Variants in INSR observed in about 807,000 individuals in gnomAD.
The protein encoded by INSR is IR.
INSR carries 67 observed loss-of-function variants against 142.6 expected under a neutral mutation model. That is an observed-to-expected ratio of 0.47 (90% confidence interval 0.39 to 0.58). INSR has a LOEUF of 0.58. Ranked by LOEUF, INSR falls within the 20% of genes least tolerant of loss-of-function variation. The probability of loss-of-function intolerance (pLI) is 0.00; values close to 1 mark genes in which losing one functional copy is unlikely to be tolerated. For synonymous variants in INSR, 756 were observed against 743.1 expected (o/e 1.02, Z -0.28); for missense variants, 1,248 against 1,833.2 (o/e 0.68, Z 5.83).
intron 2 of INSR, among the ~76,000 whole-genome samples, chr19:7,214,794 CCCTCCCT>C (rs1260808416): frequency 7.4e-6 from 1 of 134,784 alleles, no homozygotes; most frequent in Admixed American, 7.6e-5. Flanking sequence ...TTTCTTCCCT[CCCTCCCT>C]CCTCCCTCCC....
chr19:7,178,136 A>G (rs991939835), intron 3 of INSR, among the ~76,000 whole-genome samples: 1 of 148,340 alleles, frequency 6.7e-6, no homozygotes, highest in African/African-American at 2.5e-5. Context: ...TAAAGTATGT[A>G]TCTGGTCTTC....
intron 2 of INSR, among the ~76,000 whole-genome samples, chr19:7,205,900 T>G (rs1480362977): frequency 5.3e-5 from 8 of 151,964 alleles, no homozygotes. Flanking sequence ...GGCTCTCCCA[T>G]CAGACCTGCG....
In INSR at chr19:7,291,835, C is replaced by T. The variant is rs374413270; in HGVS notation, c.100+1957G>A. ...TTTATTTATTTTTGAGACAGAGTCTCGCTCTGTCGCCCAGTGGCACGATCT... is the reference window on the plus strand; with the variant it reads ...TTTATTTATTTTTGAGACAGAGTCTTGCTCTGTCGCCCAGTGGCACGATCT... On this transcript the variant is annotated intron_variant, in intron 1 of 21. Coordinates refer to ENST00000302850, the MANE Select transcript of INSR (RefSeq NM_000208.4). Among the ~76,000 whole-genome samples the T allele has an allele frequency of 5.1e-3, 770 of 152,246 alleles. 5 individuals are homozygous for T. The highest frequency in any genetic ancestry group is 0.017 in the African/African-American group (722 of 41,546).
At position 7,267,357 on chromosome 19, in the gene INSR, G is replaced by T. The variant is rs1306327558; in HGVS notation, c.640C>A (p.His214Asn). 2.5e-6 allele frequency: 4 copies of T among 1,614,022 alleles called. No homozygotes were observed. Among genetic ancestry groups the T allele is most frequent in the Non-Finnish European group, 1.7e-6 (2 of 1,180,044 alleles). The change falls in exon 2 of 22, where the codon CAC becomes AAC. Residue 214 changes from histidine (H) to asparagine (N), a missense_variant. His to Asn is a moderately conservative substitution (Grantham distance 68). Coordinates refer to ENST00000302850, the MANE Select transcript of INSR (RefSeq NM_000208.4). This position sits in a 1 kb window ranked among gnomAD's most constrained non-coding sequence, Gnocchi z 6.3. ...QFVERCWTHS[H>N]CQKVCPTICK... ...ATCCCCGGCGTACCTTTCTGGCAGT[G>T]ACTATGAGTCCAACATCGTTCGACA...
chr19:7,167,381 A>G (rs1396312575), intron 7 of INSR, among the ~76,000 whole-genome samples: 1 of 152,154 alleles, frequency 6.6e-6, no homozygotes, highest in Non-Finnish European at 1.5e-5. Flanking sequence ...GTTTGAGACC[A>G]GCCTGGCCAA....
chr19:7,273,428 G>A (rs979890276), intron 1 of INSR, among the ~76,000 whole-genome samples: 2 of 152,020 alleles, frequency 1.3e-5, no homozygotes, highest in African/African-American at 4.8e-5. Flanking sequence ...TTCATAATGG[G>A]TACCTGGTTA....
Position 7,168,663 on chromosome 19 carries a change from C to T in INSR, c.1484-569G>A, listed in dbSNP as rs962841297. Among the ~76,000 whole-genome samples, 5 of 152,128 alleles carry T rather than the reference C, an allele frequency of 3.3e-5. No individual in the cohort carries two copies. The highest frequency in any genetic ancestry group is 1.2e-4 in the African/African-American group (5 of 41,426). On this transcript the variant is annotated intron_variant, in intron 6 of 21. Transcript: ENST00000302850. This position sits in a 1 kb window ranked among gnomAD's most constrained non-coding sequence, Gnocchi z 4.3. ...TTTTTGAGACAGTCTTGCTCTGTCA[C>T]CAAGGCTGGAGTGCAGTCCACCTAC...
intron 1 of INSR, among the ~76,000 whole-genome samples, chr19:7,279,914 C>T (rs1968159497): frequency 6.6e-6 from 1 of 150,716 alleles, no homozygotes; most frequent in Non-Finnish European, 1.5e-5. Context: ...ATTGCGGAGG[C>T]CTGACATCAC....
At chr19:7,266,695 C>G (rs546811328) in intron 2 of INSR, among the ~76,000 whole-genome samples, 87 of 152,202 alleles carry the variant, frequency 5.7e-4, no homozygotes, top group Admixed American at 2.6e-3. Context: ...TGGAAATCAT[C>G]TTAATGCCCA....
intron 20 of INSR, among the ~76,000 whole-genome samples, chr19:7,120,057 G>A (rs1324073824): frequency 6.6e-6 from 1 of 152,240 alleles, no homozygotes; most frequent in Non-Finnish European, 1.5e-5. Flanking sequence ...GCTAGGAACT[G>A]CTTGGACAAA....
chr19:7,154,849 G>A lies in INSR; in HGVS notation c.2030-1922C>T, dbSNP rs548671583. On this transcript the variant is annotated intron_variant, in intron 9 of 21. Transcript: ENST00000302850. ...TGAGGCAGGAGGATTGTTTGAACCC[G>A]GGAAGCAGAGGTTGCAGTGAGCCGA... Among the ~76,000 whole-genome samples, 5 of 151,560 alleles carry A rather than the reference G, an allele frequency of 3.3e-5. No homozygotes were observed. The East Asian group carries it at 8.0e-4, about 24-fold the overall frequency.
chr19:7,134,709 G>A (rs1972865395), intron 13 of INSR, among the ~76,000 whole-genome samples: 1 of 152,016 alleles, frequency 6.6e-6, no homozygotes, highest in Non-Finnish European at 1.5e-5. Context: ...AGTTTGTAGT[G>A]AGTCGAGATC....
Position 7,184,535 on chromosome 19 carries a change from C to T in INSR, c.755G>A (p.Cys252Tyr). Residue 252 changes from cysteine to tyrosine, a missense_variant, in exon 3 of 22, where the codon TGC becomes TAC. Physicochemically the swap from Cys to Tyr is radical, Grantham distance 194 (BLOSUM62 -2). Coordinates refer to ENST00000302850, the MANE Select transcript of INSR (RefSeq NM_000208.4). ...CAGGTAGAAGTTGCGGCAGGCCACGCACTTGGTGGGGTCGTCGGGCTGAGA... is the reference window on the plus strand; with the variant it reads ...CAGGTAGAAGTTGCGGCAGGCCACGTACTTGGTGGGGTCGTCGGGCTGAGA... Reference protein sequence around the residue: ...NCSQPDDPTKCVACRNFYLDG... With the variant: ...NCSQPDDPTKYVACRNFYLDG... The T allele has an allele frequency of 6.2e-7, 1 of 1,613,930 alleles. No individual in the cohort carries two copies. Among genetic ancestry groups the T allele is most frequent in the Non-Finnish European group, 8.5e-7 (1 of 1,180,006 alleles).
At chr19:7,275,824 A>G (rs981887325) in intron 1 of INSR, among the ~76,000 whole-genome samples, 9 of 151,964 alleles carry the variant, frequency 5.9e-5, no homozygotes, top group African/African-American at 2.2e-4. Flanking sequence ...ACCAGCCACA[A>G]CTTCCAGGGC....
At chr19:7,182,139 C>G (rs993235389) in intron 3 of INSR, among the ~76,000 whole-genome samples, 2 of 151,672 alleles carry the variant, frequency 1.3e-5, no homozygotes, top group African/African-American at 4.8e-5. Flanking sequence ...CAAGACCAGC[C>G]TGGCCAACAT....
At chr19:7,290,782 A>G in intron 1 of INSR, among the ~76,000 whole-genome samples, 1 of 150,816 alleles carries the variant, frequency 6.6e-6, no homozygotes, top group East Asian at 2.0e-4. Context: ...AAAAAAGAAA[A>G]AAAAAAAGGC....
chr19:7,268,211 A>G lies in INSR; in HGVS notation c.101-315T>C, dbSNP rs554630496. ...GGGGATTGAGTAACGCGGCAGGTGC[A>G]GAAGGAGAAAGGGGAACTGTCTCCA... On this transcript the variant is annotated intron_variant, in intron 1 of 21. Transcript: ENST00000302850. Among the ~76,000 whole-genome samples, 4 of 152,296 alleles carry G rather than the reference A, an allele frequency of 2.6e-5. No homozygotes were observed. The South Asian group carries it at 8.3e-4, about 32-fold the overall frequency.
chr19:7,233,692 T>TTTTTTTTC (rs1227654126), intron 2 of INSR, among the ~76,000 whole-genome samples: 1 of 118,142 alleles, frequency 8.5e-6, no homozygotes, highest in Non-Finnish European at 1.7e-5. Context: ...TTTTTTTTTT[T>TTTTTTTTC]TGAGACGCAG....
chr19:7,247,370 C>A (rs1976569166), intron 2 of INSR, among the ~76,000 whole-genome samples: 1 of 152,288 alleles, frequency 6.6e-6, no homozygotes, highest in South Asian at 2.1e-4. Flanking sequence ...ACAGACAAGA[C>A]ACTCTGAGCC....
Sources: gnomAD v4.1 joint callset for allele counts (sites outside exome capture counted in the v4.1 genomes callset) on GRCh38, gnomAD v4.1.1 for gene constraint, Gnocchi (gnomAD v3.1) non-coding constraint, MANE v1.5 for transcripts, NCBI Gene and HGNC (gene_info 2026-07-23, HGNC 2026-07-21) for gene names.